Variants in KIAA1328 observed in about 807,000 individuals in gnomAD.
KIAA1328 encodes KIAA1328, also known as protein hinderin.
A neutral mutation model predicts 68.1 loss-of-function variants in KIAA1328; 52 were observed. The ratio of observed to expected loss-of-function variants is 0.76; its 90% CI spans 0.61 to 0.96. The LOEUF (loss-of-function observed/expected upper bound fraction) is 0.96, where lower values mean the gene tolerates loss of function less well. Among genes scored for constraint, KIAA1328 ranks in the 40% least tolerant of loss-of-function variants. The pLI, the probability that KIAA1328 is intolerant of heterozygous loss-of-function variation, is 0.00. For missense variants in KIAA1328, 641 were observed against 677.6 expected (o/e 0.95, Z 0.60); for synonymous variants, 232 against 239.4 (o/e 0.97, Z 0.28).
chr18:37,034,083 A>G (rs1380646121), intron 6 of KIAA1328, among the ~76,000 whole-genome samples: 1 of 152,196 alleles, frequency 6.6e-6, no homozygotes, highest in Non-Finnish European at 1.5e-5. Context: ...CATTGAAACC[A>G]TCTTTTAAAT....
At chr18:37,144,410 C>T (rs1224678537) in intron 7 of KIAA1328, among the ~76,000 whole-genome samples, 1 of 151,336 alleles carries the variant, frequency 6.6e-6, no homozygotes, top group Non-Finnish European at 1.5e-5. Flanking sequence ...TTTACTGTTT[C>T]CTTCCTTCTC....
At chr18:37,152,580 T>C (rs1391097825) in intron 7 of KIAA1328, among the ~76,000 whole-genome samples, 3 of 152,130 alleles carry the variant, frequency 2.0e-5, no homozygotes, top group Non-Finnish European at 4.4e-5. Context: ...TTTTGTTGGG[T>C]AGCACATTTT....
chr18:36,906,972 T>C (rs2049246457), intron 5 of KIAA1328, among the ~76,000 whole-genome samples: 2 of 152,090 alleles, frequency 1.3e-5, no homozygotes, highest in Admixed American at 1.3e-4. Context: ...CTCAAGTTAT[T>C]TAGATGTAAG....
intron 7 of KIAA1328, among the ~76,000 whole-genome samples, chr18:37,079,899 AAAC>A (rs1216384956): frequency 1.3e-5 from 2 of 151,928 alleles, no homozygotes; most frequent in Non-Finnish European, 2.9e-5. Flanking sequence ...AAAAAAAAAA[AAAC>A]AGTTCAATAA....
intron 6 of KIAA1328, among the ~76,000 whole-genome samples, chr18:36,981,581 A>G (rs371880147): frequency 1.3e-5 from 2 of 151,950 alleles, no homozygotes; most frequent in African/African-American, 2.4e-5. Flanking sequence ...AAGAGACACA[A>G]ATTGAACTCT....
chr18:36,897,525 T>C (rs1371210719), intron 5 of KIAA1328, among the ~76,000 whole-genome samples: 1 of 151,796 alleles, frequency 6.6e-6, no homozygotes, highest in Non-Finnish European at 1.5e-5. Flanking sequence ...CCAACAGAAA[T>C]GGAGGTTGGA....
intron 4 of KIAA1328, among the ~76,000 whole-genome samples, chr18:36,880,526 A>C (rs1038214185): frequency 5.3e-5 from 8 of 152,200 alleles, no homozygotes; most frequent in African/African-American, 1.7e-4. Context: ...GCACATAAAA[A>C]TTTTACTTTT....
intron 6 of KIAA1328, among the ~76,000 whole-genome samples, chr18:37,036,850 A>AT (rs796087204): frequency 6.6e-5 from 10 of 152,284 alleles, no homozygotes; most frequent in African/African-American, 2.4e-4. Flanking sequence ...GAACTAATTT[A>AT]TTTTTTGTGC....
At chr18:37,125,731 C>G (rs1231555416) in intron 7 of KIAA1328, among the ~76,000 whole-genome samples, 1 of 152,144 alleles carries the variant, frequency 6.6e-6, no homozygotes, top group East Asian at 1.9e-4. Context: ...ATCTGAAATG[C>G]AGAGTGGTCC....
intron 4 of KIAA1328, among the ~76,000 whole-genome samples, 181 bp downstream of exon 4, chr18:36,844,483 A>G (rs2046962368): frequency 6.6e-6 from 1 of 152,032 alleles, no homozygotes; most frequent in Non-Finnish European, 1.5e-5. Context: ...AGAAGCATCA[A>G]AAGCAAACTA....
At chr18:37,054,217 G>A (rs928591026) in intron 6 of KIAA1328, among the ~76,000 whole-genome samples, 1 of 152,146 alleles carries the variant, frequency 6.6e-6, no homozygotes, top group Non-Finnish European at 1.5e-5. Flanking sequence ...TGGTGGGGAT[G>A]TAAATTAGTT....
At position 36,829,138 on chromosome 18, in the gene KIAA1328, G is replaced by T; in HGVS notation, c.-1G>T. On this transcript the variant is annotated 5_prime_UTR_variant, in exon 1 of 10. Transcript: ENST00000280020. ...ACGCCCCGAGTGGCGGTTGTTTCAA[G>T]ATGGCGGACGTGGCGGGCCCCTCCC... 6.5e-7 allele frequency: 1 copy of T among 1,534,312 alleles called. No homozygotes were observed. The highest frequency in any genetic ancestry group is 8.8e-7 in the Non-Finnish European group (1 of 1,142,316).
chr18:37,122,802 G>C (rs1040619611), intron 7 of KIAA1328, among the ~76,000 whole-genome samples: 1 of 152,262 alleles, frequency 6.6e-6, no homozygotes, highest in East Asian at 1.9e-4. Flanking sequence ...TTGAAGGTTT[G>C]AAACAACTTC....
intron 8 of KIAA1328, among the ~76,000 whole-genome samples, chr18:37,171,465 C>A (rs1171289705): frequency 6.6e-6 from 1 of 152,156 alleles, no homozygotes; most frequent in East Asian, 1.9e-4. Flanking sequence ...CTGCCTTGGC[C>A]TCCCAACGTG....
intron 5 of KIAA1328, chr18:36,895,892 A>C (rs1232815887): frequency 5.0e-6 from 2 of 399,226 alleles, no homozygotes; most frequent in Non-Finnish European, 1.0e-5. Flanking sequence ...GTGTGAGGCC[A>C]CAGCAAGAAG....
intron 4 of KIAA1328, among the ~76,000 whole-genome samples, chr18:36,876,452 G>A (rs1384138873): frequency 2.6e-5 from 4 of 152,052 alleles, no homozygotes; most frequent in Non-Finnish European, 5.9e-5. Context: ...ATTTTCTAGT[G>A]TATTTGTGTA....
At chr18:36,847,535 G>T (rs910157403) in intron 4 of KIAA1328, among the ~76,000 whole-genome samples, 2 of 151,456 alleles carry the variant, frequency 1.3e-5, no homozygotes, top group Non-Finnish European at 3.0e-5. Context: ...ATAGTAACAT[G>T]ACTAATGTGT....
intron 7 of KIAA1328, among the ~76,000 whole-genome samples, chr18:37,068,892 C>CAGCCACTGCTGGAATTTG (rs1568363453): frequency 6.6e-6 from 1 of 152,064 alleles, no homozygotes; most frequent in Non-Finnish European, 1.5e-5. Context: ...GCTGGAATTA[C>CAGCCACTGCTGGAATTTG]AGCCACTGCT....
At chr18:36,895,383 AG>A (rs2048836032) in intron 5 of KIAA1328, among the ~76,000 whole-genome samples, 1 of 152,200 alleles carries the variant, frequency 6.6e-6, no homozygotes, top group South Asian at 2.1e-4. Flanking sequence ...CACGAGGAAA[AG>A]GAGATACTGT....
Sources: gnomAD v4.1 joint callset for allele counts (sites outside exome capture counted in the v4.1 genomes callset) on GRCh38, gnomAD v4.1.1 for gene constraint, MANE v1.5 for transcripts, NCBI Gene and HGNC (gene_info 2026-07-23, HGNC 2026-07-21) for gene names.